TNPO3: variants seen among roughly 807,000 people sequenced by gnomAD.
TNPO3 encodes the protein transportin-3.
TNPO3 carries 65 observed loss-of-function variants against 122.8 expected under a neutral mutation model. That is an observed-to-expected ratio of 0.53 (90% CI 0.43 to 0.65). The LOEUF is 0.65. Ranked by LOEUF, TNPO3 falls within the 30% of genes least tolerant of loss-of-function variation. The probability of loss-of-function intolerance (pLI) is 0.00; values close to 1 mark genes in which losing one functional copy is unlikely to be tolerated. For synonymous variants in TNPO3, 372 were observed against 411.2 expected, an observed-to-expected ratio of 0.90 and a Z score of 1.15; for missense variants, 850 against 1,136.7, an observed-to-expected ratio of 0.75 and a Z score of 3.63.
At chr7:129,042,856 C>T (rs971872718) in intron 1 of TNPO3, among the ~76,000 whole-genome samples, 3 of 99,944 alleles carry the variant, frequency 3.0e-5, no homozygotes, top group Non-Finnish European at 6.4e-5. Context: ...TAAAACAACT[C>T]CCATCCTCCA....
chr7:129,011,383 G>A (rs1430562703), intron 4 of TNPO3, among the ~76,000 whole-genome samples: 1 of 152,034 alleles, frequency 6.6e-6, no homozygotes, highest in African/African-American at 2.4e-5. Context: ...TCACTCTGTC[G>A]CTCAGGCTGG....
chr7:129,053,226 G>C (rs1211912067), intron 1 of TNPO3, among the ~76,000 whole-genome samples: 1 of 152,056 alleles, frequency 6.6e-6, no homozygotes, highest in Non-Finnish European at 1.5e-5. Context: ...TCAGGAGGCT[G>C]AGACAGGAGA....
At chr7:128,979,524 G>A (rs1799421335) in intron 15 of TNPO3, among the ~76,000 whole-genome samples, 1 of 152,200 alleles carries the variant, frequency 6.6e-6, no homozygotes, top group African/African-American at 2.4e-5. Context: ...GAGACCATTG[G>A]ACACTTAAGA....
At chr7:129,033,607 C>T (rs1298015194) in intron 1 of TNPO3, among the ~76,000 whole-genome samples, 1 of 152,048 alleles carries the variant, frequency 6.6e-6, no homozygotes, top group Admixed American at 6.6e-5. Flanking sequence ...GGCTATATAT[C>T]TAAAAGAACT....
At chr7:129,037,536 A>C (rs1161675008) in intron 1 of TNPO3, among the ~76,000 whole-genome samples, 1 of 152,162 alleles carries the variant, frequency 6.6e-6, no homozygotes, top group African/African-American at 2.4e-5. Flanking sequence ...CAGAACTCAC[A>C]GTCACCCAGC....
chr7:128,959,666 AAC>A, intron 21 of TNPO3, among the ~76,000 whole-genome samples: 1 of 152,286 alleles, frequency 6.6e-6, no homozygotes, highest in East Asian at 1.9e-4. Context: ...TTTGGTGTCA[AAC>A]ACTTCAGCCA....
chr7:128,991,442 G>T (rs1378252697), intron 10 of TNPO3, among the ~76,000 whole-genome samples: 1 of 152,000 alleles, frequency 6.6e-6, no homozygotes, highest in African/African-American at 2.4e-5. Flanking sequence ...TTGTCTCTAG[G>T]GCTTCGTGTC....
chr7:128,986,633 G>A, intron 12 of TNPO3, 96 bp downstream of exon 12: 1 of 1,168,572 alleles, frequency 8.6e-7, no homozygotes, highest in African/African-American at 1.6e-5. Flanking sequence ...TAAACACTAA[G>A]TACATTGCAA....
chr7:129,009,817 T>C (rs1235483863), intron 4 of TNPO3, among the ~76,000 whole-genome samples: 2 of 152,234 alleles, frequency 1.3e-5, no homozygotes, highest in East Asian at 3.8e-4. Context: ...AAGTTAGTAC[T>C]GCTGAAACTC....
chr7:128,990,020 G>A lies in TNPO3; in HGVS notation c.1439C>T (p.Thr480Ile), dbSNP rs1482145617. 1.2e-6 allele frequency: 2 copies of A among 1,614,172 alleles called. No homozygotes were observed. The highest frequency in any genetic ancestry group is 2.2e-5 in the East Asian group (1 of 44,888). Residue 480 changes from threonine (T) to isoleucine (I), a missense_variant, in exon 11 of 23, where the codon ACC (threonine) becomes ATC (isoleucine). By Grantham distance (89) the Thr-to-Ile change is moderately conservative. Transcript: ENST00000265388. ...PETVHTAVRY[T>I]SIELVGEMSE... ...CATCTCTCCAACCAATTCAATGCTGGTGTATCGCACAGCCGTATGTACGGT... is the reference window on the plus strand; with the variant it reads ...CATCTCTCCAACCAATTCAATGCTGATGTATCGCACAGCCGTATGTACGGT...
intron 18 of TNPO3, 38 bp from the exon 19 acceptor site, chr7:128,972,620 T>G (rs1347792234): frequency 6.3e-7 from 1 of 1,593,072 alleles, no homozygotes; most frequent in South Asian, 1.1e-5. Context: ...AATGACAAGA[T>G]TAGGCTATAA....
At chr7:129,037,725 G>A (rs1806866410) in intron 1 of TNPO3, among the ~76,000 whole-genome samples, 1 of 152,120 alleles carries the variant, frequency 6.6e-6, no homozygotes, top group Non-Finnish European at 1.5e-5. Flanking sequence ...GGGCAGCAAA[G>A]CATGTCACCC....
At chr7:129,042,176 T>C (rs76068573) in intron 1 of TNPO3, among the ~76,000 whole-genome samples, 9,798 of 152,236 alleles carry the variant, frequency 0.064, 655 homozygotes, top group African/African-American at 0.17. Flanking sequence ...CAAAGAGCTC[T>C]GGCAAATAGA....
chr7:128,960,280 G>A (rs931161341), intron 21 of TNPO3, among the ~76,000 whole-genome samples: 5 of 151,878 alleles, frequency 3.3e-5, no homozygotes, highest in Admixed American at 2.0e-4. Flanking sequence ...ACTGGGTTAT[G>A]TATTTACTAT....
intron 1 of TNPO3, among the ~76,000 whole-genome samples, chr7:129,052,523 C>CT (rs1386710242): frequency 6.6e-6 from 1 of 152,154 alleles, no homozygotes; most frequent in Non-Finnish European, 1.5e-5. Context: ...TGTCTGGACT[C>CT]TGACTATTAA....
chr7:128,963,919 GA>G (rs1797694411), intron 21 of TNPO3, among the ~76,000 whole-genome samples: 1 of 152,150 alleles, frequency 6.6e-6, no homozygotes, highest in African/African-American at 2.4e-5. Context: ...GAAACGAAAA[GA>G]AAAGCCTCCC....
chr7:128,970,379 T>C, intron 19 of TNPO3, 64 bp from the exon 20 acceptor site: 1 of 1,458,816 alleles, frequency 6.9e-7, no homozygotes, highest in Non-Finnish European at 9.2e-7. Flanking sequence ...GACCAAGCAC[T>C]CTTTCCCCTT....
At chr7:128,964,333 C>CTTTT (rs35667373) in intron 21 of TNPO3, among the ~76,000 whole-genome samples, 20 of 120,654 alleles carry the variant, frequency 1.7e-4, no homozygotes, top group African/African-American at 3.3e-4. Flanking sequence ...CCAAAACAAT[C>CTTTT]TTTTTTTTTT....
chr7:128,984,039 A>G, intron 13 of TNPO3, 129 bp downstream of exon 13: 1 of 527,412 alleles, frequency 1.9e-6, no homozygotes, highest in Non-Finnish European at 3.3e-6. Context: ...ATTAATTTTA[A>G]TAAATTCTTA....
Sources: gnomAD v4.1 joint callset for allele counts (sites outside exome capture counted in the v4.1 genomes callset) on GRCh38, gnomAD v4.1.1 for gene constraint, MANE v1.5 for transcripts, NCBI Gene and HGNC (gene_info 2026-07-23, HGNC 2026-07-21) for gene names.